Variants in SP3 observed in about 807,000 individuals in gnomAD.
SP3 encodes the protein transcription factor Sp3.
A neutral mutation model predicts 70.3 loss-of-function variants in SP3; 10 were observed. That is an observed-to-expected ratio of 0.14 (90% confidence interval 0.09 to 0.24). SP3 has a LOEUF of 0.24. Among genes scored for constraint, SP3 ranks in the 10% least tolerant of loss-of-function variants. The pLI is 1.00. For synonymous variants in SP3, 402 were observed against 333.5 expected (o/e 1.21, Z -2.24); for missense variants, 825 against 914.6 (o/e 0.90, Z 1.26).
At position 173,909,735 on chromosome 2, in the gene SP3, T is replaced by C. The variant is rs558751595; in HGVS notation, c.*206A>G. 3 of 435,684 alleles carry C rather than the reference T, an allele frequency of 6.9e-6. No individual in the cohort carries two copies. The South Asian group carries it at 9.7e-5, about 14-fold the overall frequency. 27.0% of individuals were successfully genotyped at this position (435,684 alleles called of 1,614,324 possible). On this transcript the variant is annotated 3_prime_UTR_variant, in exon 7 of 7. Transcript: ENST00000310015. ...TTTCATTTCTTCTAGATTCCAAAAG[T>C]ACCTACAAAACCCATGCAATTTTAC... is the stretch of plus-strand genomic sequence containing the variant.
intron 4 of SP3, among the ~76,000 whole-genome samples, chr2:173,926,484 A>C (rs1689911983): frequency 1.3e-5 from 2 of 152,068 alleles, no homozygotes; most frequent in Admixed American, 1.3e-4. Flanking sequence ...TTTCAACAGG[A>C]CAAGTGCCAA....
Position 173,905,097 on chromosome 2 carries a change from A to G in SP3, c.*4844T>C, listed in dbSNP as rs572749976. Among the ~76,000 whole-genome samples, 48 of 152,302 alleles carry G rather than the reference A, an allele frequency of 3.2e-4. No homozygotes were observed. The highest frequency in any genetic ancestry group is 2.4e-3 in the Admixed American group (37 of 15,306). On this transcript the variant is annotated 3_prime_UTR_variant, in exon 7 of 7. Coordinates refer to ENST00000310015, the MANE Select transcript of SP3 (RefSeq NM_003111.5). The stretch of plus-strand genomic sequence containing the variant: ...CCTTTTCTGATAGGGCAGTCACTTC[A>G]GACACTTCATCCACTATCACTTTAG...
At position 173,960,954 on chromosome 2, in the gene SP3, C is replaced by A. The variant is rs545768224; in HGVS notation, c.279+2807G>T. Among the ~76,000 whole-genome samples, 5 of 151,926 alleles carry A rather than the reference C, an allele frequency of 3.3e-5. No individual in the cohort carries two copies. The East Asian group carries it at 7.7e-4, about 23-fold the overall frequency. ...TCGCGCCACTGCACTCCAGTCTGGGCGACAGAGTGAGACTCTGTCTCAAAA... is the reference window on the plus strand; with the variant it reads ...TCGCGCCACTGCACTCCAGTCTGGGAGACAGAGTGAGACTCTGTCTCAAAA... On this transcript the variant is annotated intron_variant, in intron 3 of 6. Transcript: ENST00000310015.
In SP3 at chr2:173,964,717, C is replaced by G; in HGVS notation, c.8-164G>C. 1.1e-5 allele frequency: 4 copies of G among 361,154 alleles called. 1 individual carries two copies. The South Asian group carries it at 1.8e-4, about 16-fold the overall frequency. 22.4% of individuals were successfully genotyped at this position (361,154 alleles called of 1,614,324 possible). ...GGCGGCGGCGGCGGCTCCCTCCTCC[C>G]CTCCTGCTGCTGCCCCCGCCCGCCG... On this transcript the variant is annotated intron_variant, in intron 1 of 6. Transcript: ENST00000310015.
chr2:173,964,935 G>C (rs1691244361), intron 1 of SP3: 1 of 553,276 alleles, frequency 1.8e-6, no homozygotes. Flanking sequence ...CGGCGGACCG[G>C]GCCGCCCGCC....
At chr2:173,927,864 T>C (rs995496918) in intron 4 of SP3, among the ~76,000 whole-genome samples, 15 of 152,232 alleles carry the variant, frequency 9.9e-5, no homozygotes, top group Admixed American at 3.9e-4. Flanking sequence ...CACATTTACC[T>C]ACTTTCCTTG....
intron 5 of SP3, 21 bp from the exon 6 acceptor site, chr2:173,913,287 A>ATTTTC (rs1304523626): frequency 2.1e-6 from 3 of 1,455,626 alleles, no homozygotes; most frequent in African/African-American, 1.4e-5. Flanking sequence ...CACATAGAAT[A>ATTTTC]ATATATACTT....
intron 1 of SP3, 125 bp downstream of exon 1, chr2:173,965,040 G>A: frequency 7.7e-7 from 1 of 1,295,252 alleles, no homozygotes; most frequent in Non-Finnish European, 1.1e-6. Context: ...GCAGCTTTCT[G>A]CCTCTCACAG....
chr2:173,963,734 C>T, intron 3 of SP3, 27 bp downstream of exon 3: 6 of 946,414 alleles, frequency 6.3e-6, no homozygotes, highest in Non-Finnish European at 7.7e-6. Flanking sequence ...CCGGCCTCGG[C>T]GGGGGCGGGC....
chr2:173,933,255 A>AT (rs1690116481), intron 4 of SP3, among the ~76,000 whole-genome samples: 1 of 152,026 alleles, frequency 6.6e-6, no homozygotes, highest in Non-Finnish European at 1.5e-5. Flanking sequence ...TTTACATTCT[A>AT]TTTTTTATAC....
At chr2:173,913,917 A>G (rs575563205) in intron 5 of SP3, 1 of 152,308 alleles carries the variant, frequency 6.6e-6, no homozygotes, top group South Asian at 2.1e-4. Context: ...AATTCCCTTC[A>G]TATTAACCAT....
At position 173,955,338 on chromosome 2, in the gene SP3, G is replaced by C. The variant is rs1690845329; in HGVS notation, c.1174C>G (p.Gln392Glu). The C allele has an allele frequency of 1.2e-6, 2 of 1,614,032 alleles. No individual in the cohort carries two copies. Among genetic ancestry groups the C allele is most frequent in the Non-Finnish European group, 1.7e-6 (2 of 1,180,002 alleles). ...QAQNIQVSTA[Q>E]PVVQHLQLQE... ...AGTTGTAGATGCTGTACAACAGGCT[G>C]TGCTGTAGAAACCTGAATATTCTGT... Residue 392 changes from glutamine to glutamate, a missense_variant, in exon 4 of 7, where the codon CAG becomes GAG. This residue lies in a region of SP3 where 678 missense variants were observed against 651.6 expected (regional missense o/e 1.04). Coordinates refer to ENST00000310015, the MANE Select transcript of SP3 (RefSeq NM_003111.5).
Position 173,903,570 on chromosome 2 carries a change from G to A in SP3, c.*6371C>T, listed in dbSNP as rs547450150. Reference sequence around the variant, plus strand: ...AATTTTTAAAGGATCAGGGTGTGAGGAGGACTAAGTAATTGGGTATACATA... The same window carrying A: ...AATTTTTAAAGGATCAGGGTGTGAGAAGGACTAAGTAATTGGGTATACATA... On this transcript the variant is annotated 3_prime_UTR_variant, in exon 7 of 7. Transcript: ENST00000310015. Among the ~76,000 whole-genome samples, 1 of 152,182 alleles carries A rather than the reference G, an allele frequency of 6.6e-6. No individual in the cohort carries two copies. Among genetic ancestry groups the A allele is most frequent in the Non-Finnish European group, 1.5e-5 (1 of 68,038 alleles).
intron 4 of SP3, among the ~76,000 whole-genome samples, chr2:173,937,264 C>T (rs1359156390): frequency 6.6e-6 from 1 of 152,178 alleles, no homozygotes; most frequent in Non-Finnish European, 1.5e-5. Context: ...CTGACTTTCC[C>T]CTTCATATGC....
rs1213441243 is a variant in SP3 at position 173,907,738 on chromosome 2, CTT to C, written c.*2201_*2202del. The stretch of plus-strand genomic sequence containing the variant: ...CTCACTTAATTCTCTTCACATTAAT[CTT>C]AATTTAAAAATTCTAAAAATTACCT... On this transcript the variant is annotated 3_prime_UTR_variant, in exon 7 of 7. Coordinates refer to ENST00000310015, the MANE Select transcript of SP3 (RefSeq NM_003111.5). 1 of 152,100 alleles carries C rather than the reference CTT, an allele frequency of 6.6e-6. No individual in the cohort carries two copies. The highest frequency in any genetic ancestry group is 1.5e-5 in the Non-Finnish European group (1 of 67,994). The allele number at this position is 152,100 out of a possible 1,614,324, so 9.4% of individuals were successfully genotyped here. A position where few individuals can be genotyped will look rare whatever the true frequency, so the allele number is the denominator to read the frequency against.
intron 4 of SP3, among the ~76,000 whole-genome samples, chr2:173,951,477 A>G (rs976136449): frequency 2.0e-5 from 3 of 152,236 alleles, no homozygotes; most frequent in African/African-American, 4.8e-5. Context: ...CAACAAAAAA[A>G]GTTTAATGAG....
intron 2 of SP3, 43 bp from the exon 3 acceptor site, chr2:173,963,926 G>T: frequency 2.2e-6 from 3 of 1,374,342 alleles, no homozygotes; most frequent in Admixed American, 2.6e-5. Context: ...CAGGGGGAGG[G>T]GGTGGCGGTT....
At chr2:173,960,219 A>G (rs566800508) in intron 3 of SP3, among the ~76,000 whole-genome samples, 1 of 152,354 alleles carries the variant, frequency 6.6e-6, no homozygotes, top group East Asian at 1.9e-4. Context: ...AGTACAGTAA[A>G]AAGTTGTAAC....
At chr2:173,917,762 T>C (rs938366529) in intron 5 of SP3, among the ~76,000 whole-genome samples, 2 of 152,098 alleles carry the variant, frequency 1.3e-5, no homozygotes, top group Non-Finnish European at 2.9e-5. Context: ...AAAGGGACCG[T>C]GACTATTAAA....
Sources: allele counts gnomAD v4.1 joint callset (sites outside exome capture counted in the v4.1 genomes callset), GRCh38; gene constraint gnomAD v4.1.1; regional missense constraint gnomAD v4.1.1; transcripts MANE v1.5; gene names NCBI Gene and HGNC (gene_info 2026-07-23, HGNC 2026-07-21).